The following PLCXD3 variants were observed in gnomAD, a reference collection of about 807,000 sequenced individuals.
The protein encoded by PLCXD3 is PI-PLC X domain-containing protein 3.
Under a neutral mutation model 25.5 loss-of-function variants are expected in PLCXD3, and 19 were observed. That is an observed-to-expected ratio of 0.75 (90% CI 0.52 to 1.09). The LOEUF (loss-of-function observed/expected upper bound fraction) is 1.09, where lower values mean the gene tolerates loss of function less well. PLCXD3 is among the 50% of genes least tolerant of loss of function. PLCXD3 has a pLI of 0.00. For synonymous variants in PLCXD3, 174 were observed against 137.6 expected (o/e 1.26, Z -1.85); for missense variants, 411 against 388.1 (o/e 1.06, Z -0.50).
chr5:41,442,240 G>A (rs1747402103), intron 1 of PLCXD3, among the ~76,000 whole-genome samples: 1 of 152,172 alleles, frequency 6.6e-6, no homozygotes, highest in African/African-American at 2.4e-5. Flanking sequence ...AACTCAGAAG[G>A]TGTTGATCTG....
chr5:41,441,771 G>A lies in PLCXD3; in HGVS notation c.104-59237C>T, dbSNP rs528922893. On this transcript the variant is annotated intron_variant, in intron 1 of 2. Coordinates refer to ENST00000377801, the MANE Select transcript of PLCXD3 (RefSeq NM_001005473.3). ...AACATAAAGGGATTATCCCAACTCT[G>A]TGTATTTCATGTCCCCTGCCTATAG... Among the ~76,000 whole-genome samples the A allele has an allele frequency of 3.5e-4, 53 of 152,190 alleles. 1 individual carries two copies. The highest frequency in any genetic ancestry group is 6.5e-4 in the Admixed American group (10 of 15,286).
chr5:41,490,330 A>G (rs866700071), intron 1 of PLCXD3, among the ~76,000 whole-genome samples: 1 of 152,168 alleles, frequency 6.6e-6, no homozygotes, highest in African/African-American at 2.4e-5. Context: ...TGCTGGATTC[A>G]GTTTGCCAGT....
chr5:41,437,090 T>C (rs1383270553), intron 1 of PLCXD3, among the ~76,000 whole-genome samples: 4 of 152,252 alleles, frequency 2.6e-5, no homozygotes, highest in Non-Finnish European at 5.9e-5. Context: ...TTAAAGACTC[T>C]GTACTTATTT....
At chr5:41,410,677 T>C (rs1407204327) in intron 1 of PLCXD3, among the ~76,000 whole-genome samples, 1 of 152,102 alleles carries the variant, frequency 6.6e-6, no homozygotes, top group Non-Finnish European at 1.5e-5. Flanking sequence ...CCACCTTTTT[T>C]CCCAGCAGTT....
At chr5:41,388,224 G>A (rs911593641) in intron 1 of PLCXD3, among the ~76,000 whole-genome samples, 4 of 151,956 alleles carry the variant, frequency 2.6e-5, no homozygotes, top group African/African-American at 9.7e-5. Context: ...ATACCAAATA[G>A]CATTCCTTCA....
chr5:41,333,960 T>G (rs1411060541), intron 2 of PLCXD3, among the ~76,000 whole-genome samples: 6 of 152,126 alleles, frequency 3.9e-5, no homozygotes, highest in Admixed American at 3.3e-4. Context: ...CAAACCCCAT[T>G]TATAGCTTGA....
intron 2 of PLCXD3, among the ~76,000 whole-genome samples, chr5:41,381,186 ACT>A (rs1437604481): frequency 2.0e-5 from 3 of 152,104 alleles, no homozygotes; most frequent in Non-Finnish European, 4.4e-5. Context: ...ATATTAAAAG[ACT>A]CTGCAAATGG....
At chr5:41,464,375 A>G (rs561009228) in intron 1 of PLCXD3, among the ~76,000 whole-genome samples, 44 of 152,202 alleles carry the variant, frequency 2.9e-4, no homozygotes, top group African/African-American at 9.9e-4. Context: ...ATGTACTTAC[A>G]TGCACTATTG....
At chr5:41,318,318 G>A (rs370898136) in intron 2 of PLCXD3, among the ~76,000 whole-genome samples, 1 of 152,198 alleles carries the variant, frequency 6.6e-6, no homozygotes, top group East Asian at 1.9e-4. Flanking sequence ...ACTGTGGTAT[G>A]TAAACTACTC....
intron 1 of PLCXD3, among the ~76,000 whole-genome samples, chr5:41,384,676 C>A (rs1451908060): frequency 1.3e-5 from 2 of 151,708 alleles, no homozygotes; most frequent in African/African-American, 2.4e-5. Flanking sequence ...GGTTATGTGG[C>A]AAGTAAAAAA....
At position 41,497,076 on chromosome 5, in the gene PLCXD3, G is replaced by T. The variant is rs542644806; in HGVS notation, c.103+13348C>A. Among the ~76,000 whole-genome samples the T allele has an allele frequency of 9.7e-5, 14 of 143,928 alleles. No homozygotes were observed. In the South Asian group the frequency reaches 1.7e-3, roughly 18 times the overall value. The allele number at this position is 143,928 out of a possible 152,430, so 94.4% of individuals were successfully genotyped here. A position where few individuals can be genotyped will look rare whatever the true frequency, so the allele number is the denominator to read the frequency against. On this transcript the variant is annotated intron_variant, in intron 1 of 2. Coordinates refer to ENST00000377801, the MANE Select transcript of PLCXD3 (RefSeq NM_001005473.3). ...AAAATCTACAGAAGATACAAGAAAA[G>T]AAGAAAAAAAAATCAGAGTATTACT...
chr5:41,319,688 T>C (rs781533356), intron 2 of PLCXD3, among the ~76,000 whole-genome samples: 18 of 151,846 alleles, frequency 1.2e-4, no homozygotes, highest in Non-Finnish European at 1.8e-4. Flanking sequence ...AATCTAATGA[T>C]GCATCTTAAA....
chr5:41,459,502 G>T (rs1269467045), intron 1 of PLCXD3, among the ~76,000 whole-genome samples: 1 of 151,714 alleles, frequency 6.6e-6, no homozygotes, highest in African/African-American at 2.4e-5. Flanking sequence ...TTAAAGATTT[G>T]TACATTCATG....
intron 1 of PLCXD3, among the ~76,000 whole-genome samples, chr5:41,403,411 T>TTTTTTTGTTTTTG (rs1554047977): frequency 1.0e-4 from 4 of 38,310 alleles, no homozygotes; most frequent in East Asian, 2.9e-4. Context: ...GTTTTTTTTT[T>TTTTTTTGTTTTTG]TTTTTATTAT....
intron 1 of PLCXD3, among the ~76,000 whole-genome samples, chr5:41,436,876 T>G (rs318057): frequency 2.6e-5 from 4 of 151,910 alleles, no homozygotes; most frequent in African/African-American, 9.7e-5. Context: ...TTTAATTTCA[T>G]GTATTCTATA....
intron 2 of PLCXD3, among the ~76,000 whole-genome samples, chr5:41,353,192 A>G (rs1345761996): frequency 1.3e-5 from 2 of 149,804 alleles, no homozygotes; most frequent in Non-Finnish European, 3.0e-5. Context: ...TCCCGGGTTC[A>G]TGCCATTCTC....
chr5:41,493,473 A>G (rs1467838107), intron 1 of PLCXD3, among the ~76,000 whole-genome samples: 1 of 152,228 alleles, frequency 6.6e-6, no homozygotes, highest in Non-Finnish European at 1.5e-5. Flanking sequence ...GCTGTCAGAC[A>G]GGGACATTTA....
intron 2 of PLCXD3, among the ~76,000 whole-genome samples, chr5:41,332,515 C>G (rs1240887613): frequency 2.0e-5 from 3 of 152,122 alleles, no homozygotes; most frequent in African/African-American, 7.2e-5. Flanking sequence ...ACTAGTTCAC[C>G]CCTTGTGAAA....
At chr5:41,398,246 G>T (rs1746070214) in intron 1 of PLCXD3, among the ~76,000 whole-genome samples, 1 of 152,150 alleles carries the variant, frequency 6.6e-6, no homozygotes, top group African/African-American at 2.4e-5. Context: ...ATTAAATCAT[G>T]GGGATGGATT....
Sources: allele counts gnomAD v4.1 joint callset (sites outside exome capture counted in the v4.1 genomes callset), GRCh38; gene constraint gnomAD v4.1.1; transcripts MANE v1.5; gene names NCBI Gene and HGNC (gene_info 2026-07-23, HGNC 2026-07-21).